The following ZNF736 variants were observed in gnomAD, a reference collection of about 807,000 sequenced individuals.
ZNF736 encodes the protein KRAB-containing zinc-finger repressor protein.
In ZNF736, 6 loss-of-function variants were observed where a neutral mutation model predicts 11.7. The ratio of observed to expected loss-of-function variants is 0.51; its 90% CI spans 0.28 to 1.01. ZNF736 has a LOEUF of 1.01. Among genes scored for constraint, ZNF736 ranks in the 50% least tolerant of loss-of-function variants. The probability of loss-of-function intolerance (pLI) is 0.09; values close to 1 mark genes in which losing one functional copy is unlikely to be tolerated. For missense variants in ZNF736, 444 were observed against 496.0 expected, an observed-to-expected ratio of 0.90 and a Z score of 1.00; for synonymous variants, 139 against 164.7, an observed-to-expected ratio of 0.84 and a Z score of 1.19.
chr7:64,344,875 T>G (rs888941412), intron 3 of ZNF736, among the ~76,000 whole-genome samples: 1 of 151,990 alleles, frequency 6.6e-6, no homozygotes, highest in Admixed American at 6.6e-5. Flanking sequence ...AGTTTTGTTT[T>G]GTGTTTGGAA....
intron 3 of ZNF736, among the ~76,000 whole-genome samples, chr7:64,342,763 T>G (rs1180313559): frequency 6.6e-6 from 1 of 152,110 alleles, no homozygotes; most frequent in Non-Finnish European, 1.5e-5. Context: ...GCACACCATA[T>G]ATTATAATCT....
At chr7:64,346,570 A>G (rs1301827361) in intron 3 of ZNF736, among the ~76,000 whole-genome samples, 1 of 152,060 alleles carries the variant, frequency 6.6e-6, no homozygotes, top group Non-Finnish European at 1.5e-5. Context: ...TTGCAGAAGC[A>G]TGCATATAAA....
Position 64,314,185 on chromosome 7 carries a change from G to A in ZNF736, c.3+32G>A, listed in dbSNP as rs578016604. On this transcript the variant is annotated intron_variant, in intron 1 of 3. Transcript: ENST00000423484. ...GCGTGGAGTGGGTGTCCCGAGAATG[G>A]GGAAGAGGCTGTTTGAATCCGGCCG... 10 of 1,551,554 alleles carry A rather than the reference G, an allele frequency of 6.4e-6. No homozygotes were observed. The South Asian group carries it at 8.3e-5, about 13-fold the overall frequency.
In ZNF736 at chr7:64,348,560, G is replaced by A; in HGVS notation, c.697G>A (p.Gly233Arg). 1 of 1,588,194 alleles carries A rather than the reference G, an allele frequency of 6.3e-7. No individual in the cohort carries two copies. Among genetic ancestry groups the A allele is most frequent in the Non-Finnish European group, 8.6e-7 (1 of 1,167,166 alleles). Reference protein sequence around the residue: ...HTGEKPYKCEGCGKTFTCSST... With the variant: ...HTGEKPYKCERCGKTFTCSST... ...TGGAGAGAAACCTTACAAATGTGAAGGATGTGGCAAAACTTTTACCTGCTC... is the reference window on the plus strand; with the variant it reads ...TGGAGAGAAACCTTACAAATGTGAAAGATGTGGCAAAACTTTTACCTGCTC... Residue 233 changes from glycine (G) to arginine (R), a missense_variant, in exon 4 of 4, where the codon GGA becomes AGA. Transcript: ENST00000423484.
intron 1 of ZNF736, among the ~76,000 whole-genome samples, chr7:64,317,830 TTC>T (rs1477527376): frequency 1.3e-5 from 2 of 152,006 alleles, no homozygotes; most frequent in Non-Finnish European, 2.9e-5. Flanking sequence ...TTTATCTTTT[TTC>T]TCTCAATTTT....
chr7:64,338,866 T>C (rs1248672870), intron 3 of ZNF736, among the ~76,000 whole-genome samples: 2 of 152,058 alleles, frequency 1.3e-5, no homozygotes, highest in Admixed American at 1.3e-4. Flanking sequence ...GATAGCTGAA[T>C]TGTATAGCAG....
Position 64,348,753 on chromosome 7 carries a change from T to A in ZNF736, c.890T>A (p.Phe297Tyr). 6.3e-7 allele frequency: 1 copy of A among 1,598,168 alleles called. No homozygotes were observed. Among genetic ancestry groups the A allele is most frequent in the African/African-American group, 1.3e-5 (1 of 74,298 alleles). Reference protein sequence around the residue: ...CEECNKAYRWFSDLAKHKIIH... With the variant: ...CEECNKAYRWYSDLAKHKIIH... ...GAATGTAACAAAGCCTATAGGTGGT[T>A]CTCAGACCTTGCTAAACATAAGATA... The change falls in exon 4 of 4, where the codon TTC (phenylalanine) becomes TAC (tyrosine). Residue 297 changes from phenylalanine (F) to tyrosine (Y), a missense_variant. Phe to Tyr is a conservative substitution (Grantham distance 22, BLOSUM62 3). Coordinates refer to ENST00000423484, the MANE Select transcript of ZNF736 (RefSeq NM_001170905.3).
intron 1 of ZNF736, among the ~76,000 whole-genome samples, chr7:64,317,883 G>A (rs7806014): frequency 7.9e-5 from 12 of 151,556 alleles, no homozygotes; most frequent in Middle Eastern, 3.5e-3. Context: ...CAAAATTGCC[G>A]TTTCTTTAAG....
chr7:64,337,203 TTG>T (rs11282384), intron 3 of ZNF736: 51 of 524,932 alleles, frequency 9.7e-5, no homozygotes, highest in South Asian at 2.2e-4. Flanking sequence ...TGTGTGTGTG[TTG>T]TGTGTGTGTT....
At chr7:64,342,080 C>T (rs1318391111) in intron 3 of ZNF736, among the ~76,000 whole-genome samples, 3 of 152,154 alleles carry the variant, frequency 2.0e-5, no homozygotes, top group African/African-American at 7.2e-5. Context: ...GGTGCATTCA[C>T]AGTGAGAGAC....
In ZNF736 at chr7:64,336,366, T is replaced by C. The variant is rs58656578; in HGVS notation, c.111T>C (p.Tyr37=). 0.058 allele frequency: 93,159 copies of C among 1,612,078 alleles called. 5,900 individuals are homozygous for C. The highest frequency in any genetic ancestry group is 0.35 in the East Asian group (15,613 of 44,748). The change falls in exon 2 of 4, where the codon TAT becomes TAC. Residue 37 remains tyrosine, a synonymous_variant. Coordinates refer to ENST00000423484, the MANE Select transcript of ZNF736 (RefSeq NM_001170905.3). ...RLYRDVMLEN[Y]GNLVSLGLAI... ...ATAGGGATGTGATGTTAGAGAACTA[T>C]GGAAACCTGGTCTCCTTGGGTGAGA...
At chr7:64,341,661 T>A (rs1789340244) in intron 3 of ZNF736, among the ~76,000 whole-genome samples, 1 of 152,164 alleles carries the variant, frequency 6.6e-6, no homozygotes, top group Admixed American at 6.5e-5. Context: ...AGACAGACTC[T>A]ATTAATCAGA....
At chr7:64,316,710 A>G (rs1406815680) in intron 1 of ZNF736, among the ~76,000 whole-genome samples, 3 of 152,168 alleles carry the variant, frequency 2.0e-5, no homozygotes, top group Non-Finnish European at 2.9e-5. Flanking sequence ...CATTAATTGT[A>G]TAATGGATTT....
chr7:64,317,590 T>C (rs1236510371), intron 1 of ZNF736, among the ~76,000 whole-genome samples: 1 of 152,152 alleles, frequency 6.6e-6, no homozygotes, highest in African/African-American at 2.4e-5. Context: ...AAATCTAATA[T>C]GGTTCCTTCC....
At chr7:64,316,887 A>G (rs1419740382) in intron 1 of ZNF736, among the ~76,000 whole-genome samples, 1 of 152,228 alleles carries the variant, frequency 6.6e-6, no homozygotes, top group South Asian at 2.1e-4. Context: ...GCATGATTTC[A>G]AACAGAATCC....
At chr7:64,331,620 T>G (rs1483120172) in intron 1 of ZNF736, among the ~76,000 whole-genome samples, 2 of 152,208 alleles carry the variant, frequency 1.3e-5, no homozygotes, top group Admixed American at 1.3e-4. Flanking sequence ...GGGTGCTATT[T>G]AGTCATCTTG....
intron 2 of ZNF736, among the ~76,000 whole-genome samples, chr7:64,336,653 C>G (rs1789255647): frequency 6.6e-6 from 1 of 152,068 alleles, no homozygotes; most frequent in Non-Finnish European, 1.5e-5. Flanking sequence ...TTACCCACAC[C>G]TAAAAATGCA....
rs1234965904 is a variant in ZNF736 at position 64,350,339 on chromosome 7, A to G, written c.*1192A>G. The stretch of plus-strand genomic sequence containing the variant: ...TGAGATTCTTTCCTCTGCTTGGCCT[A>G]TTCTGCTGTTAATATATGTGATTAC... On this transcript the variant is annotated 3_prime_UTR_variant, in exon 4 of 4. Transcript: ENST00000423484. 6.6e-6 allele frequency: 1 copy of G among 152,084 alleles called. No homozygotes were observed. Among genetic ancestry groups the G allele is most frequent in the Non-Finnish European group, 1.5e-5 (1 of 68,020 alleles). The allele number at this position is 152,084 out of a possible 1,614,324, so 9.4% of individuals were successfully genotyped here.
intron 3 of ZNF736, among the ~76,000 whole-genome samples, chr7:64,345,732 TAA>T (rs60388880): frequency 1.6e-4 from 13 of 82,868 alleles, no homozygotes; most frequent in Admixed American, 2.8e-4. Flanking sequence ...TACTCCATCT[TAA>T]AAAAAAAAAA....
Sources: gnomAD v4.1 joint callset for allele counts (sites outside exome capture counted in the v4.1 genomes callset) on GRCh38, gnomAD v4.1.1 for gene constraint, MANE v1.5 for transcripts, NCBI Gene and HGNC (gene_info 2026-07-23, HGNC 2026-07-21) for gene names.